Variants in RIMS1 observed in about 807,000 individuals in gnomAD.
RIMS1 encodes regulating synaptic membrane exocytosis protein 1.
RIMS1 carries 83 observed loss-of-function variants against 214.1 expected under a neutral mutation model. That is an observed-to-expected ratio of 0.39 (90% CI 0.32 to 0.47). The LOEUF (loss-of-function observed/expected upper bound fraction) is 0.47, where lower values mean the gene tolerates loss of function less well. Ranked by LOEUF, RIMS1 falls within the 20% of genes least tolerant of loss-of-function variation. The pLI is 0.99. For synonymous variants in RIMS1, 793 were observed against 786.8 expected, an observed-to-expected ratio of 1.01 and a Z score of -0.13; for missense variants, 2,050 against 2,161.8, an observed-to-expected ratio of 0.95 and a Z score of 1.03.
intron 2 of RIMS1, among the ~76,000 whole-genome samples, chr6:71,976,897 A>G (rs899429196): frequency 1.3e-4 from 20 of 152,306 alleles, no homozygotes; most frequent in African/African-American, 4.8e-4. Flanking sequence ...TATGTCTTAC[A>G]TCAATTAAAA....
chr6:71,955,388 A>G (rs1044145417), intron 1 of RIMS1, among the ~76,000 whole-genome samples: 3 of 152,086 alleles, frequency 2.0e-5, no homozygotes, highest in African/African-American at 7.2e-5. Context: ...GGTGGTCTCG[A>G]ACTCCTGACC....
chr6:72,159,434 T>C lies in RIMS1; in HGVS notation c.472-20141T>C, dbSNP rs1185777314. Reference sequence around the variant, plus strand: ...CAATTTTGGCTTTTGTTGCCATTGCTTTTGGTGTTTTAGACATGAAGTCCT... The same window carrying C: ...CAATTTTGGCTTTTGTTGCCATTGCCTTTGGTGTTTTAGACATGAAGTCCT... On this transcript the variant is annotated intron_variant, in intron 4 of 33. Coordinates refer to ENST00000521978, the MANE Select transcript of RIMS1 (RefSeq NM_014989.7). Among the ~76,000 whole-genome samples, 15 of 141,040 alleles carry C rather than the reference T, an allele frequency of 1.1e-4. 3 individuals carry two copies. Among genetic ancestry groups the C allele is most frequent in the Non-Finnish European group, 9.7e-5 (6 of 62,072 alleles). The allele number at this position is 141,040 out of a possible 152,430, so 92.5% of individuals were successfully genotyped here.
chr6:71,925,707 T>G (rs570073934), intron 1 of RIMS1, among the ~76,000 whole-genome samples: 1 of 152,196 alleles, frequency 6.6e-6, no homozygotes, highest in Non-Finnish European at 1.5e-5. Flanking sequence ...TTTAAGTTAG[T>G]GACTGGATTA....
chr6:72,080,776 T>C (rs1833180200), intron 2 of RIMS1, among the ~76,000 whole-genome samples: 1 of 152,184 alleles, frequency 6.6e-6, no homozygotes, highest in Non-Finnish European at 1.5e-5. Flanking sequence ...TGTAATGTGC[T>C]CCCTCACCTC....
At chr6:72,227,651 G>T (rs1181177405) in intron 6 of RIMS1, among the ~76,000 whole-genome samples, 2 of 151,894 alleles carry the variant, frequency 1.3e-5, no homozygotes, top group African/African-American at 2.4e-5. Flanking sequence ...GAGTTTCCTT[G>T]CCTGTGTCCT....
intron 6 of RIMS1, among the ~76,000 whole-genome samples, chr6:72,194,858 G>A (rs117890230): frequency 6.6e-5 from 10 of 152,086 alleles, no homozygotes; most frequent in Non-Finnish European, 4.4e-5. Flanking sequence ...CATTCATACT[G>A]CTATTGCCAG....
chr6:72,053,467 C>A (rs1256241664), intron 2 of RIMS1, among the ~76,000 whole-genome samples: 1 of 152,110 alleles, frequency 6.6e-6, no homozygotes, highest in Non-Finnish European at 1.5e-5. Context: ...ACTTTGTAGA[C>A]ACAGATTTGG....
chr6:71,913,249 A>T (rs186978139), intron 1 of RIMS1, among the ~76,000 whole-genome samples: 3 of 152,280 alleles, frequency 2.0e-5, no homozygotes, highest in African/African-American at 4.8e-5. Context: ...GGGTCTTATT[A>T]AAAAAGTTCC....
chr6:72,004,235 T>C (rs1806501350), intron 2 of RIMS1, among the ~76,000 whole-genome samples: 1 of 151,836 alleles, frequency 6.6e-6, no homozygotes, highest in South Asian at 2.1e-4. Flanking sequence ...TTCCATGGTG[T>C]ATATGTGCCA....
At chr6:72,235,793 G>A in intron 8 of RIMS1, 65 bp downstream of exon 8, 1 of 703,560 alleles carries the variant, frequency 1.4e-6, no homozygotes, top group Non-Finnish European at 2.1e-6. Flanking sequence ...ATTCATCGGA[G>A]TTTCTGGCAA....
intron 6 of RIMS1, among the ~76,000 whole-genome samples, chr6:72,197,681 A>G (rs1385976059): frequency 6.6e-6 from 1 of 152,076 alleles, no homozygotes; most frequent in African/African-American, 2.4e-5. Flanking sequence ...CAGGTATGGT[A>G]TCTGGGCAAT....
At chr6:71,987,007 A>G (rs1800188818) in intron 2 of RIMS1, among the ~76,000 whole-genome samples, 1 of 152,246 alleles carries the variant, frequency 6.6e-6, no homozygotes. Flanking sequence ...AGGATAAATG[A>G]TGGAGCCATA....
intron 29 of RIMS1, among the ~76,000 whole-genome samples, chr6:72,346,368 G>T (rs2097266411): frequency 6.6e-6 from 1 of 151,706 alleles, no homozygotes; most frequent in African/African-American, 2.4e-5. Flanking sequence ...AAGATCTAAC[G>T]CTTGAGTTCT....
chr6:72,282,790 G>T (rs764379170), intron 23 of RIMS1, among the ~76,000 whole-genome samples: 1 of 151,986 alleles, frequency 6.6e-6, no homozygotes, highest in East Asian at 1.9e-4. Flanking sequence ...TATTGAGTAC[G>T]CTCTTTTCCA....
At chr6:72,314,393 TAA>T (rs1446898402) in intron 28 of RIMS1, among the ~76,000 whole-genome samples, 2 of 152,170 alleles carry the variant, frequency 1.3e-5, no homozygotes, top group Non-Finnish European at 2.9e-5. Context: ...CCAATAAATA[TAA>T]GTGTTAAAAA....
At chr6:72,018,863 A>G (rs1813632775) in intron 2 of RIMS1, among the ~76,000 whole-genome samples, 1 of 152,204 alleles carries the variant, frequency 6.6e-6, no homozygotes, top group African/African-American at 2.4e-5. Context: ...AATTTCAAGG[A>G]ATTATGTGCC....
At chr6:72,136,980 T>C (rs1304994316) in intron 4 of RIMS1, among the ~76,000 whole-genome samples, 4 of 151,986 alleles carry the variant, frequency 2.6e-5, no homozygotes, top group African/African-American at 9.7e-5. Context: ...TTTAACATAG[T>C]CTTGGATGTT....
chr6:72,046,979 A>C (rs1345793204), intron 2 of RIMS1, among the ~76,000 whole-genome samples: 1 of 152,168 alleles, frequency 6.6e-6, no homozygotes, highest in African/African-American at 2.4e-5. Context: ...AATATTTATT[A>C]AATAAATTAC....
chr6:72,225,482 G>A (rs1434518772), intron 6 of RIMS1, among the ~76,000 whole-genome samples: 2 of 152,098 alleles, frequency 1.3e-5, no homozygotes, highest in Non-Finnish European at 2.9e-5. Context: ...TATTGCCTGG[G>A]TCTGGATAAG....
Sources: gnomAD v4.1 joint callset for allele counts (sites outside exome capture counted in the v4.1 genomes callset) on GRCh38, gnomAD v4.1.1 for gene constraint, MANE v1.5 for transcripts, NCBI Gene and HGNC (gene_info 2026-07-23, HGNC 2026-07-21) for gene names.